GRIN2D: variants seen among roughly 807,000 people sequenced by gnomAD.
GRIN2D encodes glutamate receptor ionotropic, NMDA 2D.
A neutral mutation model predicts 103.2 loss-of-function variants in GRIN2D; 37 were observed. The ratio of observed to expected loss-of-function variants is 0.36; its 90% CI spans 0.28 to 0.47. GRIN2D has a LOEUF of 0.47. GRIN2D is among the 20% of genes least tolerant of loss of function. The probability of loss-of-function intolerance (pLI) is 1.00; values close to 1 mark genes in which losing one functional copy is unlikely to be tolerated. For missense variants in GRIN2D, 1,557 were observed against 1,910.6 expected (o/e 0.81, Z 3.45); for synonymous variants, 845 against 885.6 (o/e 0.95, Z 0.81).
Position 48,444,078 on chromosome 19 carries a change from C to T in GRIN2D, c.*141C>T. ...CCCCGCCTGGAGCAGCGTCCTGCGC[C>T]CCCTGGTTCTGGAGGAACCGCAAGC... On this transcript the variant is annotated 3_prime_UTR_variant, in exon 14 of 14. Transcript: ENST00000263269. The surrounding 1 kb of genome is among the most constrained non-coding windows in gnomAD (Gnocchi z 5.5). The T allele has an allele frequency of 2.0e-6, 1 of 502,446 alleles. No homozygotes were observed. Among genetic ancestry groups the T allele is most frequent in the South Asian group, 3.9e-5 (1 of 25,460 alleles). 31.1% of individuals were successfully genotyped at this position (502,446 alleles called of 1,614,324 possible).
In GRIN2D at chr19:48,427,761, G is replaced by A. The variant is rs528365282; in HGVS notation, c.2252+5816G>A. The stretch of plus-strand genomic sequence containing the variant: ...CTCCCAAAGTGCTGGGATTACAGGC[G>A]TGAGCCACCCTCCTTGGTCTACTCC... On this transcript the variant is annotated intron_variant, in intron 11 of 13. Transcript: ENST00000263269. Among the ~76,000 whole-genome samples, 27 of 152,104 alleles carry A rather than the reference G, an allele frequency of 1.8e-4. No homozygotes were observed. The South Asian group carries it at 5.0e-3, about 28-fold the overall frequency.
At chr19:48,396,546 T>C (rs567610231) in intron 2 of GRIN2D, among the ~76,000 whole-genome samples, 1 of 136,242 alleles carries the variant, frequency 7.3e-6, no homozygotes, top group South Asian at 2.4e-4. Context: ...TGGGTTATTT[T>C]GGGGCGGAGT....
chr19:48,443,706 G>T lies in GRIN2D; in HGVS notation c.3780G>T (p.Trp1260Cys). 7.7e-7 allele frequency: 1 copy of T among 1,303,324 alleles called. No individual in the cohort carries two copies. The highest frequency in any genetic ancestry group is 9.7e-7 in the Non-Finnish European group (1 of 1,028,210). 80.7% of individuals were successfully genotyped at this position (1,303,324 alleles called of 1,614,324 possible). ...HHRHRRAAGGWDLPPPAPTSR... is the reference protein window; with the variant it reads ...HHRHRRAAGGCDLPPPAPTSR... ...GGCACCGGCGCGCCGCTGGGGGCTG[G>T]GACCTCCCGCCGCCCGCGCCCACCT... Residue 1260 changes from tryptophan to cysteine, a missense_variant, in exon 14 of 14, where the codon TGG becomes TGT. Coordinates refer to ENST00000263269, the MANE Select transcript of GRIN2D (RefSeq NM_000836.4). The surrounding 1 kb of genome is among the most constrained non-coding windows in gnomAD (Gnocchi z 8.9).
At position 48,399,400 on chromosome 19, in the gene GRIN2D, T is replaced by C. The variant is rs144975019; in HGVS notation, c.465+543T>C. Among the ~76,000 whole-genome samples the C allele has an allele frequency of 3.3e-3, 498 of 152,208 alleles. 6 individuals carry two copies. The highest frequency in any genetic ancestry group is 0.011 in the African/African-American group (468 of 41,524). On this transcript the variant is annotated intron_variant, in intron 3 of 13. Coordinates refer to ENST00000263269, the MANE Select transcript of GRIN2D (RefSeq NM_000836.4). ...CTGGCCAACATGGTGAAACCCCGTC[T>C]CTACTAAATATACAAAAATTAGCCG...
At position 48,414,551 on chromosome 19, in the gene GRIN2D, T is replaced by A; in HGVS notation, c.1379T>A (p.Val460Asp). The change falls in exon 6 of 14, where the codon GTC (valine) becomes GAC (aspartate). Residue 460 changes from valine (V) to aspartate (D), a missense_variant. Physicochemically the swap from Val to Asp is radical, Grantham distance 152. Coordinates refer to ENST00000263269, the MANE Select transcript of GRIN2D (RefSeq NM_000836.4). The surrounding 1 kb of genome is among the most constrained non-coding windows in gnomAD (Gnocchi z 4.6). ...PISGTCIRDS[V>D]PCRSQLNRTH... ...AGCGGCACCTGCATCCGAGACTCCG[T>A]CCCCTGCCGGAGCCAGCTCAACCGA... The A allele has an allele frequency of 6.4e-7, 1 of 1,553,616 alleles. No homozygotes were observed. The highest frequency in any genetic ancestry group is 8.7e-7 in the Non-Finnish European group (1 of 1,149,092).
Position 48,398,805 on chromosome 19 carries a change from C to A in GRIN2D, c.413C>A (p.Ser138Ter). The change falls in exon 3 of 14, where the codon TCG (serine) becomes TAG (stop). Residue 138 changes from serine (S) to a stop codon, truncating the protein, a stop_gained. Coordinates refer to ENST00000263269, the MANE Select transcript of GRIN2D (RefSeq NM_000836.4). LOFTEE classifies it high-confidence loss of function. The stretch of plus-strand genomic sequence containing the variant: ...CTCGACTTCCTGTCGGCGCAGACCT[C>A]GCTGCCCATCGTGGCCGTGCACGGC... ...PILDFLSAQTSLPIVAVHGGA... is the reference protein window; with the variant it reads ...PILDFLSAQT The A allele has an allele frequency of 6.9e-7, 1 of 1,452,034 alleles. No homozygotes were observed. Among genetic ancestry groups the A allele is most frequent in the Non-Finnish European group, 9.0e-7 (1 of 1,106,898 alleles). The allele number at this position is 1,452,034 out of a possible 1,614,324, so 89.9% of individuals were successfully genotyped here. A position where few individuals can be genotyped will look rare whatever the true frequency, so the allele number is the denominator to read the frequency against.
At chr19:48,400,677 A>G (rs542626877) in intron 3 of GRIN2D, among the ~76,000 whole-genome samples, 8 of 152,276 alleles carry the variant, frequency 5.3e-5, no homozygotes, top group Non-Finnish European at 1.2e-4. Flanking sequence ...AATGATCTTC[A>G]CAGCTCCATC....
At chr19:48,402,580 A>G (rs10416075) in intron 3 of GRIN2D, among the ~76,000 whole-genome samples, 8,259 of 150,998 alleles carry the variant, frequency 0.055, 270 homozygotes, top group Middle Eastern at 0.099. Flanking sequence ...AGCCGGGCGC[A>G]GTGGCGGGCG....
chr19:48,419,442 G>C (rs1481728187), intron 9 of GRIN2D, 83 bp downstream of exon 9: 15 of 1,508,974 alleles, frequency 9.9e-6, no homozygotes, highest in East Asian at 2.3e-5. Context: ...AGCCCCTGGA[G>C]GGGGGGCGGT....
chr19:48,403,833 G>T (rs1174416560), intron 3 of GRIN2D, among the ~76,000 whole-genome samples: 1 of 152,232 alleles, frequency 6.6e-6, no homozygotes, highest in African/African-American at 2.4e-5. Flanking sequence ...GCTGCTGGGG[G>T]CTGTAGTTCC....
At chr19:48,434,541 A>T (rs1325275048) in intron 11 of GRIN2D, among the ~76,000 whole-genome samples, 2 of 152,132 alleles carry the variant, frequency 1.3e-5, no homozygotes, top group Admixed American at 6.5e-5. Flanking sequence ...TACAGGCGTG[A>T]GCCACCATGC....
Position 48,398,842 on chromosome 19 carries a change from C to A in GRIN2D, c.450C>A (p.Leu150=). Residue 150 remains leucine (L), a synonymous_variant, in exon 3 of 14, where the codon CTC becomes CTA. Coordinates refer to ENST00000263269, the MANE Select transcript of GRIN2D (RefSeq NM_000836.4). ...TGGCCGTGCACGGCGGCGCCGCGCTCGTGCTCACGCCCAAGGTGCGCGCGA... is the reference window on the plus strand; with the variant it reads ...TGGCCGTGCACGGCGGCGCCGCGCTAGTGCTCACGCCCAAGGTGCGCGCGA... ...PIVAVHGGAA[L]VLTPKEKGST... 1.5e-6 allele frequency: 2 copies of A among 1,338,278 alleles called. No homozygotes were observed. Among genetic ancestry groups the A allele is most frequent in the South Asian group, 3.2e-5 (2 of 62,926 alleles). 82.9% of individuals were successfully genotyped at this position (1,338,278 alleles called of 1,614,324 possible).
Position 48,421,970 on chromosome 19 carries a change from TG to T in GRIN2D, c.2252+30del, listed in dbSNP as rs751821149. 4.4e-6 allele frequency: 7 copies of T among 1,605,860 alleles called. No individual in the cohort carries two copies. Among genetic ancestry groups the T allele is most frequent in the South Asian group, 2.2e-5 (2 of 90,672 alleles). Reference sequence around the variant, plus strand: ...GGTCAGCGCAGACTCGGGCCGGGGGTGGGGGTTGGGCCGCTGGGGACCTGAG... The same window carrying T: ...GGTCAGCGCAGACTCGGGCCGGGGGTGGGGTTGGGCCGCTGGGGACCTGAG... On this transcript the variant is annotated intron_variant, in intron 11 of 13. Transcript: ENST00000263269. This position sits in a 1 kb window ranked among gnomAD's most constrained non-coding sequence, Gnocchi z 4.8.
intron 11 of GRIN2D, among the ~76,000 whole-genome samples, chr19:48,427,727 C>T (rs1348007794): frequency 1.3e-5 from 2 of 151,874 alleles, no homozygotes; most frequent in Non-Finnish European, 2.9e-5. Flanking sequence ...GTGATCCGCC[C>T]GTCTCGGCCT....
Position 48,443,118 on chromosome 19 carries a change from G to A in GRIN2D, c.3192G>A (p.Ser1064=). ...CGGCGCCCGCGCGGTGGCCGCGCTC[G>A]GACCCCGAGAGCCAACCCCTGCTGG... The part of the protein sequence containing the change: ...SPPAPARWPR[S]DPESQPLLGP... Residue 1064 remains serine (S), a synonymous_variant, in exon 14 of 14, where the codon TCG becomes TCA. Transcript: ENST00000263269. The surrounding 1 kb of genome is among the most constrained non-coding windows in gnomAD (Gnocchi z 8.9). The A allele has an allele frequency of 9.9e-7, 1 of 1,014,644 alleles. No homozygotes were observed. Among genetic ancestry groups the A allele is most frequent in the Non-Finnish European group, 1.2e-6 (1 of 848,432 alleles). The allele number at this position is 1,014,644 out of a possible 1,614,324, so 62.9% of individuals were successfully genotyped here. A position where few individuals can be genotyped will look rare whatever the true frequency, so the allele number is the denominator to read the frequency against.
In GRIN2D at chr19:48,443,177, G is replaced by A. The variant is rs928984311; in HGVS notation, c.3251G>A (p.Gly1084Asp). The change falls in exon 14 of 14, where the codon GGC becomes GAC. Residue 1084 changes from glycine to aspartate, a missense_variant. Around this residue, in one of 7 missense-constraint regions of GRIN2D, gnomAD observed 632 missense variants for 572.8 expected, o/e 1.10. Coordinates refer to ENST00000263269, the MANE Select transcript of GRIN2D (RefSeq NM_000836.4). The surrounding 1 kb of genome is among the most constrained non-coding windows in gnomAD (Gnocchi z 8.9). Reference sequence around the variant, plus strand: ...GCGGGCGGCGCGGGGGGCACGGGGGGCGCAGGCGGAGGAGCCCCGGCCGCT... The same window carrying A: ...GCGGGCGGCGCGGGGGGCACGGGGGACGCAGGCGGAGGAGCCCCGGCCGCT... Reference protein sequence around the residue: ...PGAGGAGGTGGAGGGAPAAPP... With the variant: ...PGAGGAGGTGDAGGGAPAAPP... 5.6e-6 allele frequency: 6 copies of A among 1,069,338 alleles called. No homozygotes were observed. The highest frequency in any genetic ancestry group is 5.3e-5 in the Admixed American group (1 of 18,758). The allele number at this position is 1,069,338 out of a possible 1,614,324, so 66.2% of individuals were successfully genotyped here. A position where few individuals can be genotyped will look rare whatever the true frequency, so the allele number is the denominator to read the frequency against.
chr19:48,396,176 G>A (rs964904563), intron 2 of GRIN2D, among the ~76,000 whole-genome samples: 3 of 152,114 alleles, frequency 2.0e-5, no homozygotes, highest in Admixed American at 6.5e-5. Context: ...TAGAGATGGA[G>A]GCGGGGGGAG....
rs2147456049 is a variant in GRIN2D at position 48,419,885 on chromosome 19, G to GAT, written c.2091+72_2091+73dup. ...AGGTCACAGAGCTTGTCATGTGGTAGATTAGAGGGGATTCTTGCGGGGGGC... is the reference window on the plus strand; with the variant it reads ...AGGTCACAGAGCTTGTCATGTGGTAGATATTAGAGGGGATTCTTGCGGGGGGC... On this transcript the variant is annotated intron_variant, in intron 10 of 13. Transcript: ENST00000263269. The GAT allele has an allele frequency of 2.0e-5, 7 of 344,750 alleles. No homozygotes were observed. The East Asian group carries it at 7.2e-4, about 35-fold the overall frequency. 21.4% of individuals were successfully genotyped at this position (344,750 alleles called of 1,614,324 possible).
chr19:48,398,937 G>A (rs1165717115), intron 3 of GRIN2D, 80 bp downstream of exon 3: 26 of 1,214,742 alleles, frequency 2.1e-5, no homozygotes, highest in Middle Eastern at 3.0e-4. Flanking sequence ...CAGCCAGCGG[G>A]GGCGGGGCCT....
Sources: gnomAD v4.1 joint callset for allele counts (sites outside exome capture counted in the v4.1 genomes callset) on GRCh38, gnomAD v4.1.1 for gene constraint, gnomAD v4.1.1 regional missense constraint, Gnocchi (gnomAD v3.1) non-coding constraint, MANE v1.5 for transcripts, NCBI Gene and HGNC (gene_info 2026-07-23, HGNC 2026-07-21) for gene names.